The following LRBA variants were observed in gnomAD, a reference collection of about 807,000 sequenced individuals.
LRBA encodes the protein LPS responsive beige-like anchor protein.
LRBA carries 176 observed loss-of-function variants against 330.0 expected under a neutral mutation model. The ratio of observed to expected loss-of-function variants is 0.53; its 90% CI spans 0.47 to 0.60. LRBA has a LOEUF of 0.60. LRBA is among the 20% of genes least tolerant of loss of function. The probability of loss-of-function intolerance (pLI) is 0.00; values close to 1 mark genes in which losing one functional copy is unlikely to be tolerated. For synonymous variants in LRBA, 1,230 were observed against 1,193.0 expected, an observed-to-expected ratio of 1.03 and a Z score of -0.64; for missense variants, 3,259 against 3,444.8, an observed-to-expected ratio of 0.95 and a Z score of 1.35.
rs77410059 is a variant in LRBA at position 150,561,613 on chromosome 4, T to C, written c.6330+26435A>G. ...GAAGGAAGCCACAAGCCAAGGACCATGGAAAACATCTAGAAGTTGGAAAAG... is the reference window on the plus strand; with the variant it reads ...GAAGGAAGCCACAAGCCAAGGACCACGGAAAACATCTAGAAGTTGGAAAAG... On this transcript the variant is annotated intron_variant, in intron 40 of 56. Coordinates refer to ENST00000651943, the MANE Select transcript of LRBA (RefSeq NM_001364905.1). Among the ~76,000 whole-genome samples the C allele has an allele frequency of 5.7e-3, 866 of 152,186 alleles. 11 individuals carry two copies. The highest frequency in any genetic ancestry group is 0.018 in the African/African-American group (752 of 41,538).
chr4:150,803,058 AAAACAAAC>A (rs1170670639), intron 33 of LRBA, among the ~76,000 whole-genome samples: 1 of 125,136 alleles, frequency 8.0e-6, no homozygotes, highest in Non-Finnish European at 1.6e-5. Flanking sequence ...AACAAAAACA[AAAACAAAC>A]AAAAAAAAAA....
chr4:150,383,660 G>A (rs1353956329), intron 47 of LRBA, among the ~76,000 whole-genome samples: 2 of 152,146 alleles, frequency 1.3e-5, no homozygotes, highest in Non-Finnish European at 1.5e-5. Context: ...TTGTGTGACA[G>A]GTGTATTTCA....
intron 2 of LRBA, chr4:151,014,163 C>A: frequency 2.9e-6 from 1 of 340,164 alleles, no homozygotes; most frequent in Non-Finnish European, 5.3e-6. Context: ...AGAACCTCCC[C>A]CCAATACTTC....
intron 34 of LRBA, among the ~76,000 whole-genome samples, chr4:150,776,213 A>T (rs1737311209): frequency 6.6e-6 from 1 of 152,152 alleles, no homozygotes; most frequent in African/African-American, 2.4e-5. Flanking sequence ...GCCACTAGGG[A>T]GGCTGAGGCA....
At chr4:150,417,499 T>C (rs1233405825) in intron 46 of LRBA, among the ~76,000 whole-genome samples, 2 of 152,162 alleles carry the variant, frequency 1.3e-5, no homozygotes, top group African/African-American at 2.4e-5. Flanking sequence ...AAAGCAGCAT[T>C]TGCTTAATTA....
chr4:150,881,497 T>C (rs1232007309), intron 17 of LRBA, among the ~76,000 whole-genome samples: 2 of 151,914 alleles, frequency 1.3e-5, no homozygotes, highest in Non-Finnish European at 2.9e-5. Flanking sequence ...ATGGCAATAA[T>C]AGACAATGAG....
chr4:150,809,925 GATA>G (rs1373196966), intron 31 of LRBA, among the ~76,000 whole-genome samples: 3 of 109,130 alleles, frequency 2.7e-5, no homozygotes, highest in East Asian at 5.0e-4. Context: ...GATACGATAC[GATA>G]CGATACTTCC....
intron 44 of LRBA, among the ~76,000 whole-genome samples, chr4:150,446,019 G>C (rs1752576741): frequency 6.6e-6 from 1 of 152,022 alleles, no homozygotes; most frequent in East Asian, 1.9e-4. Context: ...TATAAGGCAT[G>C]GATGGAACTA....
In LRBA at chr4:150,926,997, G is replaced by T. The variant is rs143948022; in HGVS notation, c.549+1519C>A. ...GAGGTAGGAGAATTGCTTGAACCCA[G>T]GAGGTGGAGGTTGCAGTGAGCAGAG... On this transcript the variant is annotated intron_variant, in intron 4 of 56. Coordinates refer to ENST00000651943, the MANE Select transcript of LRBA (RefSeq NM_001364905.1). Among the ~76,000 whole-genome samples, 60 of 151,918 alleles carry T rather than the reference G, an allele frequency of 3.9e-4. 1 individual carries two copies. Among genetic ancestry groups the T allele is most frequent in the African/African-American group, 1.1e-3 (47 of 41,422 alleles).
chr4:150,396,896 T>A lies in LRBA; in HGVS notation c.7194+18542A>T, dbSNP rs111807277. On this transcript the variant is annotated intron_variant, in intron 47 of 56. Coordinates refer to ENST00000651943, the MANE Select transcript of LRBA (RefSeq NM_001364905.1). Reference sequence around the variant, plus strand: ...ATAGATGTTATTGGCTCTGATTCTCTGGGAAATCTTAATACAACTACAAAA... The same window carrying A: ...ATAGATGTTATTGGCTCTGATTCTCAGGGAAATCTTAATACAACTACAAAA... Among the ~76,000 whole-genome samples, 1,299 of 152,310 alleles carry A rather than the reference T, an allele frequency of 8.5e-3. 16 individuals are homozygous for A. The highest frequency in any genetic ancestry group is 0.03 in the African/African-American group (1,236 of 41,576).
intron 2 of LRBA, among the ~76,000 whole-genome samples, chr4:150,939,040 G>T (rs1735394088): frequency 1.3e-5 from 2 of 152,102 alleles, no homozygotes; most frequent in African/African-American, 4.8e-5. Context: ...TTGATAGTTG[G>T]TTATGTGCCC....
intron 35 of LRBA, among the ~76,000 whole-genome samples, chr4:150,747,596 G>A (rs1479614123): frequency 1.3e-5 from 2 of 152,152 alleles, no homozygotes; most frequent in South Asian, 2.1e-4. Flanking sequence ...GAAAGTTATA[G>A]GACTATATAC....
At chr4:150,816,049 G>A (rs1266920915) in intron 31 of LRBA, among the ~76,000 whole-genome samples, 1 of 151,818 alleles carries the variant, frequency 6.6e-6, no homozygotes, top group Non-Finnish European at 1.5e-5. Flanking sequence ...TGATTACATA[G>A]TACACATCAA....
At chr4:150,722,100 C>T (rs1729013814) in intron 36 of LRBA, among the ~76,000 whole-genome samples, 1 of 152,128 alleles carries the variant, frequency 6.6e-6, no homozygotes, top group African/African-American at 2.4e-5. Context: ...GCAATGCAAG[C>T]CTTCCACCCT....
intron 37 of LRBA, among the ~76,000 whole-genome samples, chr4:150,614,889 T>C (rs1292949379): frequency 6.6e-6 from 1 of 152,198 alleles, no homozygotes; most frequent in Non-Finnish European, 1.5e-5. Context: ...CATGAAACTA[T>C]GGTTATCAGC....
chr4:150,587,981 C>A (rs145061306), intron 40 of LRBA, 67 bp downstream of exon 40: 2 of 1,531,630 alleles, frequency 1.3e-6, no homozygotes, highest in Admixed American at 1.9e-5. Context: ...ATTTACCAAT[C>A]CCAATCCTAT....
chr4:150,410,151 T>C (rs557761931), intron 47 of LRBA, among the ~76,000 whole-genome samples: 3 of 152,256 alleles, frequency 2.0e-5, no homozygotes, highest in African/African-American at 7.2e-5. Context: ...TTCCCCACTC[T>C]TGTTCAGTGG....
chr4:150,527,305 G>C (rs1763583062), intron 40 of LRBA, among the ~76,000 whole-genome samples: 1 of 152,116 alleles, frequency 6.6e-6, no homozygotes, highest in South Asian at 2.1e-4. Context: ...CTGTACCTGA[G>C]GGAAGTACTG....
In LRBA at chr4:150,914,879, T is replaced by C. The variant is rs146019830; in HGVS notation, c.1015-538A>G. 5.6e-3 allele frequency among the ~76,000 whole-genome samples: 854 copies of C among 152,266 alleles called. 7 individuals carry two copies. Among genetic ancestry groups the C allele is most frequent in the South Asian group, 0.014 (68 of 4,826 alleles). ...GATTTATGGATATTATCTCATTTAATCAGATGACAACTTTCTGAGGTATGA... is the reference window on the plus strand; with the variant it reads ...GATTTATGGATATTATCTCATTTAACCAGATGACAACTTTCTGAGGTATGA... On this transcript the variant is annotated intron_variant, in intron 8 of 56. Transcript: ENST00000651943.
Sources: allele counts gnomAD v4.1 joint callset (sites outside exome capture counted in the v4.1 genomes callset), GRCh38; gene constraint gnomAD v4.1.1; transcripts MANE v1.5; gene names NCBI Gene and HGNC (gene_info 2026-07-23, HGNC 2026-07-21).